The following PFKM variants were observed in gnomAD, a reference collection of about 807,000 sequenced individuals.
PFKM encodes ATP-dependent 6-phosphofructokinase, muscle type.
In PFKM, 58 loss-of-function variants were observed where a neutral mutation model predicts 95.5. The ratio of observed to expected loss-of-function variants is 0.61; its 90% CI spans 0.49 to 0.76. The LOEUF (loss-of-function observed/expected upper bound fraction) is 0.76. Among genes scored for constraint, PFKM ranks in the 30% least tolerant of loss-of-function variants. The pLI, the probability that PFKM is intolerant of heterozygous loss-of-function variation, is 0.00. For missense variants in PFKM, 678 were observed against 1,005.4 expected (o/e 0.67, Z 4.40); for synonymous variants, 336 against 357.2 (o/e 0.94, Z 0.67).
chr12:48,135,538 C>A (rs1949995210), intron 10 of PFKM, among the ~76,000 whole-genome samples, 155 bp downstream of exon 10: 1 of 152,218 alleles, frequency 6.6e-6, no homozygotes. Context: ...GACCCATTCC[C>A]ATACACTTGA....
chr12:48,121,110 T>C (rs1948213363), intron 1 of PFKM, among the ~76,000 whole-genome samples: 1 of 152,204 alleles, frequency 6.6e-6, no homozygotes, highest in Non-Finnish European at 1.5e-5. Flanking sequence ...AACATGTGGT[T>C]AGAGGAAGTC....
chr12:48,138,955 G>C (rs1950341382), intron 11 of PFKM, among the ~76,000 whole-genome samples: 1 of 152,144 alleles, frequency 6.6e-6, no homozygotes, highest in African/African-American at 2.4e-5. Flanking sequence ...CAGAAGAATT[G>C]CTTGAACCCG....
chr12:48,125,125 G>C (rs772562105), intron 2 of PFKM, among the ~76,000 whole-genome samples: 12 of 152,100 alleles, frequency 7.9e-5, no homozygotes, highest in Non-Finnish European at 1.0e-4. Context: ...GGGATGCTGG[G>C]CTGATGCCGT....
exon 2 of PFKM, chr12:48,107,423 C>A (rs1592556452): frequency 6.3e-7 from 1 of 1,598,734 alleles, no homozygotes; most frequent in East Asian, 2.2e-5. Context: ...GTGATTCAGT[C>A]TCGCCAGTTA....
rs1402817366 is a variant in PFKM, at chr12:48,133,286, G to A, written c.428-29G>A. 4 of 1,609,182 alleles carry A rather than the reference G, an allele frequency of 2.5e-6. No individual in the cohort carries two copies. The African/African-American group carries it at 5.3e-5, about 22-fold the overall frequency. On this transcript the variant is annotated intron_variant, in intron 5 of 22. Coordinates refer to ENST00000359794, the MANE Select transcript of PFKM (RefSeq NM_000289.6). Reference sequence around the variant, plus strand: ...TTAGGCATGCCAGGTGCCTCACCCAGTGGCTCCTGGTTTGCTTCTCATTGT... The same window carrying A: ...TTAGGCATGCCAGGTGCCTCACCCAATGGCTCCTGGTTTGCTTCTCATTGT...
At chr12:48,112,295 T>A (rs1338618746) in intron 3 of PFKM, among the ~76,000 whole-genome samples, 2 of 152,230 alleles carry the variant, frequency 1.3e-5, no homozygotes, top group African/African-American at 4.8e-5. Context: ...AAACTAGGTA[T>A]CCAAAGGTGG....
intron 1 of PFKM, among the ~76,000 whole-genome samples, chr12:48,122,061 T>C (rs1422953639): frequency 1.3e-5 from 2 of 152,130 alleles, no homozygotes; most frequent in Non-Finnish European, 2.9e-5. Context: ...TCTCATTTCA[T>C]AGCATGTAGT....
rs1049392 is a variant in PFKM at position 48,133,403 on chromosome 12, C to T, written c.516C>T (p.Thr172=). 233,562 of 1,613,364 alleles carry T rather than the reference C, an allele frequency of 0.14. 18,925 individuals carry two copies. The highest frequency in any genetic ancestry group is 0.32 in the African/African-American group (24,080 of 74,898). Residue 172 remains threonine, a synonymous_variant, in exon 6 of 23, where the codon ACC becomes ACT. Coordinates refer to ENST00000359794, the MANE Select transcript of PFKM (RefSeq NM_000289.6). ...VGSIDNDFCG[T]DMTIGTDSAL... is the part of the protein sequence containing the mutation. ...CAATTGACAATGACTTCTGTGGCAC[C>T]GATATGACCATTGGCACTGACTCTG...
chr12:48,131,179 G>A, intron 3 of PFKM, 137 bp from the exon 4 acceptor site: 1 of 715,778 alleles, frequency 1.4e-6, no homozygotes, highest in Non-Finnish European at 2.6e-6. Flanking sequence ...AAATATGATA[G>A]TCTCACGAGC....
upstream of PFKM, chr12:48,119,217 G>C: frequency 2.1e-6 from 2 of 954,128 alleles, no homozygotes; most frequent in Non-Finnish European, 2.5e-6. Flanking sequence ...GGAAGAGGAG[G>C]AGAAAGGCAA....
chr12:48,116,668 G>C (rs765782659), upstream of PFKM, among the ~76,000 whole-genome samples: 2 of 152,020 alleles, frequency 1.3e-5, no homozygotes, highest in Non-Finnish European at 2.9e-5. Flanking sequence ...TTGTAGAGAC[G>C]GGGTTTCACC....
rs1450654760 is a variant in PFKM at position 48,145,350 on chromosome 12, C to T, written c.2198+35C>T. The T allele has an allele frequency of 1.3e-6, 2 of 1,553,540 alleles. No individual in the cohort carries two copies. Among genetic ancestry groups the T allele is most frequent in the Middle Eastern group, 1.7e-4 (1 of 5,844 alleles). ...TCTGCTTCCTGGAGTGGTTCTTTTC[C>T]CTGGTAGTTTCAAGCTCTACTGTCC... On this transcript the variant is annotated intron_variant, in intron 22 of 22. Coordinates refer to ENST00000359794, the MANE Select transcript of PFKM (RefSeq NM_000289.6). This position sits in a 1 kb window ranked among gnomAD's most constrained non-coding sequence, Gnocchi z 4.3.
chr12:48,134,288 A>C lies in PFKM; in HGVS notation c.638+12A>C, dbSNP rs758539811. On this transcript the variant is annotated intron_variant, in intron 7 of 22. Coordinates refer to ENST00000359794, the MANE Select transcript of PFKM (RefSeq NM_000289.6). ...GGCCGCCACTGTGGGTAAGATCCTC[A>C]TTCTGACCCATTTATTCCGTGGACC... 1.2e-6 allele frequency: 2 copies of C among 1,608,620 alleles called. No individual in the cohort carries two copies. Among genetic ancestry groups the C allele is most frequent in the Non-Finnish European group, 8.5e-7 (1 of 1,174,978 alleles).
intron 1 of PFKM, among the ~76,000 whole-genome samples, chr12:48,121,784 G>A (rs975814654): frequency 1.3e-5 from 2 of 152,040 alleles, no homozygotes; most frequent in African/African-American, 4.8e-5. Flanking sequence ...AGGAGGGGAT[G>A]GATAAAGGAA....
chr12:48,129,607 T>A (rs977210103), intron 2 of PFKM, among the ~76,000 whole-genome samples: 1 of 152,162 alleles, frequency 6.6e-6, no homozygotes, highest in African/African-American at 2.4e-5. Context: ...GTGGCACACA[T>A]TGGAACATAG....
intron 2 of PFKM, among the ~76,000 whole-genome samples, chr12:48,125,978 T>G (rs1418721581): frequency 1.3e-5 from 2 of 152,092 alleles, no homozygotes; most frequent in African/African-American, 4.8e-5. Flanking sequence ...ATTTATTAGA[T>G]TTTTTTTCTG....
intron 10 of PFKM, among the ~76,000 whole-genome samples, chr12:48,136,762 CT>C (rs536443662): frequency 9.1e-5 from 3 of 33,104 alleles, no homozygotes; most frequent in Admixed American, 3.4e-4. Flanking sequence ...TTCTTTCTTT[CT>C]TTTTTTTTGA....
intron 1 of PFKM, 100 bp from the exon 2 acceptor site, chr12:48,122,667 G>C (rs1948403970): frequency 6.4e-7 from 1 of 1,573,960 alleles, no homozygotes; most frequent in African/African-American, 1.3e-5. Context: ...TAGTGGGAGA[G>C]CCTGACTGAG....
chr12:48,112,402 T>A (rs1388962235), intron 3 of PFKM, among the ~76,000 whole-genome samples: 1 of 150,902 alleles, frequency 6.6e-6, no homozygotes, highest in Non-Finnish European at 1.5e-5. Context: ...AGAACACGTG[T>A]GTTTTCATGA....
Sources: allele counts gnomAD v4.1 joint callset (sites outside exome capture counted in the v4.1 genomes callset), GRCh38; gene constraint gnomAD v4.1.1; non-coding constraint Gnocchi (gnomAD v3.1); transcripts MANE v1.5; gene names NCBI Gene and HGNC (gene_info 2026-07-23, HGNC 2026-07-21).